The following LLGL2 variants were observed in gnomAD, a reference collection of about 807,000 sequenced individuals.
LLGL2 encodes the protein LLGL scribble cell polarity complex component 2.
Under a neutral mutation model 123.2 loss-of-function variants are expected in LLGL2, and 81 were observed. The ratio of observed to expected loss-of-function variants is 0.66; its 90% CI spans 0.55 to 0.79. The LOEUF is 0.79. LLGL2 is among the 30% of genes least tolerant of loss of function. The pLI is 0.00. For synonymous variants in LLGL2, 577 were observed against 594.1 expected, an observed-to-expected ratio of 0.97 and a Z score of 0.42; for missense variants, 1,273 against 1,414.6, an observed-to-expected ratio of 0.90 and a Z score of 1.61.
In LLGL2 at chr17:75,548,710, C is replaced by T. The variant is rs554505044; in HGVS notation, c.75+5209C>T. On this transcript the variant is annotated intron_variant, in intron 2 of 25. Coordinates refer to ENST00000392550, the MANE Select transcript of LLGL2 (RefSeq NM_001031803.2). ...GGCGGAGGTTGCAGTGAGCCAAGAT[C>T]GCGCCATTGCACTCCAGCCTGGGTG... 4.0e-5 allele frequency among the ~76,000 whole-genome samples: 6 copies of T among 150,122 alleles called. No homozygotes were observed. In the South Asian group the frequency reaches 8.5e-4, roughly 21 times the overall value.
chr17:75,569,819 A>AT, intron 14 of LLGL2, 144 bp from the exon 15 acceptor site: 23 of 747,630 alleles, frequency 3.1e-5, no homozygotes, highest in Middle Eastern at 3.9e-4. Flanking sequence ...AAAAAAAAAA[A>AT]TGCAGGAGAG....
chr17:75,549,507 C>A lies in LLGL2; in HGVS notation c.75+6006C>A, dbSNP rs1202934667. Among the ~76,000 whole-genome samples the A allele has an allele frequency of 6.6e-6, 1 of 152,194 alleles. No individual in the cohort carries two copies. Among genetic ancestry groups the A allele is most frequent in the Non-Finnish European group, 1.5e-5 (1 of 68,034 alleles). On this transcript the variant is annotated intron_variant, in intron 2 of 25. Transcript: ENST00000392550. The surrounding 1 kb of genome is among the most constrained non-coding windows in gnomAD (Gnocchi z 4.0). ...AAACAGTGTGTTCCTGACCCAGCAG[C>A]CCCTGCGGAGGGCCAGGTTGTTCTG... is the stretch of plus-strand genomic sequence containing the variant.
chr17:75,540,605 G>A (rs1160258611), intron 1 of LLGL2, among the ~76,000 whole-genome samples: 2 of 152,238 alleles, frequency 1.3e-5, no homozygotes, highest in Admixed American at 1.3e-4. Flanking sequence ...GTCTGTGCGT[G>A]TCCCTGCCTC....
chr17:75,568,218 G>A, intron 10 of LLGL2: 1 of 1,404,358 alleles, frequency 7.1e-7, no homozygotes, highest in South Asian at 1.6e-5. Context: ...GCCTATCCTG[G>A]TTGGGACCCT....
intron 10 of LLGL2, among the ~76,000 whole-genome samples, chr17:75,565,217 G>A (rs757577689): frequency 2.7e-4 from 41 of 152,346 alleles, no homozygotes; most frequent in Admixed American, 8.5e-4. Context: ...CAGCAGGACC[G>A]GCAGAGCCCT....
rs970803338 is a variant in LLGL2 at position 75,544,595 on chromosome 17, T to C, written c.75+1094T>C. Among the ~76,000 whole-genome samples, 2 of 151,826 alleles carry C rather than the reference T, an allele frequency of 1.3e-5. No individual in the cohort carries two copies. The highest frequency in any genetic ancestry group is 6.6e-5 in the Admixed American group (1 of 15,252). On this transcript the variant is annotated intron_variant, in intron 2 of 25. Transcript: ENST00000392550. The surrounding 1 kb of genome is among the most constrained non-coding windows in gnomAD (Gnocchi z 4.2). ...AGGCTTGTTAAGGGCGTACGTGGGG[T>C]GAGGTAACTTAAGTGCTAGGCACAG...
intron 1 of LLGL2, among the ~76,000 whole-genome samples, chr17:75,537,770 C>T (rs2147147458): frequency 1.3e-5 from 2 of 149,114 alleles, no homozygotes; most frequent in East Asian, 3.9e-4. Flanking sequence ...GGAGAATGGT[C>T]AGGATGGGTT....
At position 75,558,244 on chromosome 17, in the gene LLGL2, A is replaced by G. The variant is rs1270380291; in HGVS notation, c.255+8A>G. Reference sequence around the variant, plus strand: ...CACCTCCTGCCCGGCCAGGTGAGGGACCTGGGGTGGGACAGGAAGCCACTT... The same window carrying G: ...CACCTCCTGCCCGGCCAGGTGAGGGGCCTGGGGTGGGACAGGAAGCCACTT... On this transcript the variant is annotated splice_region_variant and intron_variant, in intron 4 of 25. Transcript: ENST00000392550. The surrounding 1 kb of genome is among the most constrained non-coding windows in gnomAD (Gnocchi z 4.0). 2 of 1,609,490 alleles carry G rather than the reference A, an allele frequency of 1.2e-6. No individual in the cohort carries two copies. Among genetic ancestry groups the G allele is most frequent in the Non-Finnish European group, 1.7e-6 (2 of 1,177,790 alleles).
At position 75,564,506 on chromosome 17, in the gene LLGL2, CAGT is replaced by C; in HGVS notation, c.1036+2_1036+4del. Reference sequence around the variant, plus strand: ...TCCTCACAGAGGCAGACCCTGCAGCCAGTAGGAGAGCTTCGGGAGTGGGTGCCC... The same window carrying C: ...TCCTCACAGAGGCAGACCCTGCAGCCAGGAGAGCTTCGGGAGTGGGTGCCC... On this transcript the variant is annotated splice_donor_variant and coding_sequence_variant, in exon 10 of 26. Coordinates refer to ENST00000392550, the MANE Select transcript of LLGL2 (RefSeq NM_001031803.2). LOFTEE classifies it high-confidence loss of function. The surrounding 1 kb of genome is among the most constrained non-coding windows in gnomAD (Gnocchi z 4.9). The C allele has an allele frequency of 6.2e-7, 1 of 1,613,200 alleles. No individual in the cohort carries two copies. Among genetic ancestry groups the C allele is most frequent in the Non-Finnish European group, 8.5e-7 (1 of 1,179,954 alleles).
chr17:75,554,471 T>C (rs11653056), intron 2 of LLGL2, among the ~76,000 whole-genome samples: 132,180 of 151,688 alleles, frequency 0.87, 58,669 homozygotes, highest in Non-Finnish European at 0.98. Flanking sequence ...AGTAGCCGGG[T>C]GTGGCAGGTG....
chr17:75,558,148 C>A lies in LLGL2; in HGVS notation c.174-7C>A. The A allele has an allele frequency of 6.2e-7, 1 of 1,613,724 alleles. No homozygotes were observed. Among genetic ancestry groups the A allele is most frequent in the South Asian group, 1.1e-5 (1 of 91,078 alleles). On this transcript the variant is annotated splice_polypyrimidine_tract_variant and splice_region_variant and intron_variant, in intron 3 of 25. Coordinates refer to ENST00000392550, the MANE Select transcript of LLGL2 (RefSeq NM_001031803.2). The surrounding 1 kb of genome is among the most constrained non-coding windows in gnomAD (Gnocchi z 4.0). Reference sequence around the variant, plus strand: ...ACCTTCCAGAGCTTTCCTGAGCCTACTCCTAGCTACGGAGCCCCAGGCGTG... The same window carrying A: ...ACCTTCCAGAGCTTTCCTGAGCCTAATCCTAGCTACGGAGCCCCAGGCGTG...
intron 17 of LLGL2, 54 bp from the exon 18 acceptor site, chr17:75,571,613 C>A: frequency 2.2e-6 from 3 of 1,376,518 alleles, no homozygotes; most frequent in South Asian, 1.2e-5. Flanking sequence ...GGTTGCCCAG[C>A]TCCACCCGAC....
chr17:75,566,317 G>T (rs1457336818), intron 10 of LLGL2, among the ~76,000 whole-genome samples: 4 of 152,238 alleles, frequency 2.6e-5, no homozygotes, highest in African/African-American at 9.6e-5. Context: ...AGAAGGATCT[G>T]TCTGGCTGCC....
At chr17:75,561,702 C>T (rs901920827) in intron 6 of LLGL2, among the ~76,000 whole-genome samples, 1 of 152,140 alleles carries the variant, frequency 6.6e-6, no homozygotes, top group African/African-American at 2.4e-5. Context: ...GGGTGGATCA[C>T]CTGAGATCAG....
At position 75,574,907 on chromosome 17, in the gene LLGL2, G is replaced by T. The variant is rs754909041; in HGVS notation, c.*29G>T. ...GCTGAGCGTCCAGGCTGCGCGATGAGCACACACTACTACTGATGGCCTTTC... is the reference window on the plus strand; with the variant it reads ...GCTGAGCGTCCAGGCTGCGCGATGATCACACACTACTACTGATGGCCTTTC... On this transcript the variant is annotated 3_prime_UTR_variant, in exon 26 of 26. Transcript: ENST00000392550. 11 of 1,613,844 alleles carry T rather than the reference G, an allele frequency of 6.8e-6. No individual in the cohort carries two copies. In the African/African-American group the frequency reaches 1.5e-4, roughly 22 times the overall value.
At chr17:75,557,033 A>AATTTTTTTTTTTTTTT (rs1472803473) in intron 3 of LLGL2, among the ~76,000 whole-genome samples, 1 of 79,732 alleles carries the variant, frequency 1.3e-5, no homozygotes, top group African/African-American at 4.5e-5. Context: ...TGTCTCAAAA[A>AATTTTTTTTTTTTTTT]CTTTTTTTTT....
chr17:75,535,706 G>C (rs778262331), intron 1 of LLGL2, among the ~76,000 whole-genome samples: 4 of 152,226 alleles, frequency 2.6e-5, no homozygotes, highest in African/African-American at 4.8e-5. Context: ...AGTCCACCCC[G>C]TGTGGTTATT....
chr17:75,556,356 G>A (rs1360989650), intron 3 of LLGL2, among the ~76,000 whole-genome samples: 1 of 152,216 alleles, frequency 6.6e-6, no homozygotes, highest in East Asian at 1.9e-4. Flanking sequence ...CTGGTGGGAT[G>A]CGACCCTGTC....
chr17:75,545,012 G>A (rs1473984521), intron 2 of LLGL2, among the ~76,000 whole-genome samples: 1 of 152,064 alleles, frequency 6.6e-6, no homozygotes, highest in Non-Finnish European at 1.5e-5. Context: ...GTGTCCACGG[G>A]AGATGGAAGG....
Sources: gnomAD v4.1 joint callset for allele counts (sites outside exome capture counted in the v4.1 genomes callset) on GRCh38, gnomAD v4.1.1 for gene constraint, Gnocchi (gnomAD v3.1) non-coding constraint, MANE v1.5 for transcripts, NCBI Gene and HGNC (gene_info 2026-07-23, HGNC 2026-07-21) for gene names.